Variants in CD163 observed in about 807,000 individuals in gnomAD.
CD163 encodes the protein scavenger receptor cysteine-rich type 1 protein M130.
A neutral mutation model predicts 129.2 loss-of-function variants in CD163; 64 were observed. The observed-to-expected ratio is 0.50, with a 90% CI of 0.41 to 0.61. The LOEUF (loss-of-function observed/expected upper bound fraction) is 0.61. CD163 is among the 20% of genes least tolerant of loss of function. The pLI is 0.00. For synonymous variants in CD163, 446 were observed against 478.5 expected, an observed-to-expected ratio of 0.93 and a Z score of 0.89; for missense variants, 1,061 against 1,377.9, an observed-to-expected ratio of 0.77 and a Z score of 3.64.
chr12:7,501,436 C>A lies in CD163; in HGVS notation c.160G>T (p.Val54Leu), dbSNP rs1463751458. The A allele has an allele frequency of 3.1e-6, 5 of 1,613,804 alleles. No homozygotes were observed. Among genetic ancestry groups the A allele is most frequent in the Non-Finnish European group, 4.2e-6 (5 of 1,179,944 alleles). ...CCGCTACACTTGTTTTCACCATCCA[C>A]TAGCCTCAGCTCCTTGTCTGTTCCT... The part of the protein sequence containing the change: ...LGGTDKELRL[V>L]DGENKCSGRV... Residue 54 changes from valine to leucine, a missense_variant, in exon 3 of 17, where the codon GTG (valine) becomes TTG (leucine). Transcript: ENST00000432237.
intron 16 of CD163, among the ~76,000 whole-genome samples, chr12:7,478,344 C>T (rs1949116204): frequency 6.6e-6 from 1 of 152,132 alleles, no homozygotes; most frequent in Non-Finnish European, 1.5e-5. Context: ...TGGCCTTTTT[C>T]TCTGTATTCC....
At chr12:7,477,734 G>A (rs1949106792) in intron 16 of CD163, among the ~76,000 whole-genome samples, 1 of 152,048 alleles carries the variant, frequency 6.6e-6, no homozygotes, top group African/African-American at 2.4e-5. Flanking sequence ...TTCAACACAT[G>A]TATCCCAGAA....
At chr12:7,492,784 T>G (rs557927177) in intron 6 of CD163, among the ~76,000 whole-genome samples, 1 of 152,114 alleles carries the variant, frequency 6.6e-6, no homozygotes, top group African/African-American at 2.4e-5. Flanking sequence ...AATTGAAGAA[T>G]TGAAGAAAAA....
In CD163 at chr12:7,501,463, C is replaced by T. The variant is rs1565410458; in HGVS notation, c.134-1G>A. ...AGCCTCAGCTCCTTGTCTGTTCCTCCTGCAACAATGGATTAAGACAGTAAT... is the reference window on the plus strand; with the variant it reads ...AGCCTCAGCTCCTTGTCTGTTCCTCTTGCAACAATGGATTAAGACAGTAAT... On this transcript the variant is annotated splice_acceptor_variant, in intron 2 of 16. Transcript: ENST00000432237. LOFTEE classifies it high-confidence loss of function. 1 of 1,612,008 alleles carries T rather than the reference C, an allele frequency of 6.2e-7. No individual in the cohort carries two copies. The highest frequency in any genetic ancestry group is 8.5e-7 in the Non-Finnish European group (1 of 1,178,308).
chr12:7,495,459 ATT>A, intron 5 of CD163, 58 bp from the exon 6 acceptor site: 1 of 1,484,196 alleles, frequency 6.7e-7, no homozygotes, highest in Non-Finnish European at 9.2e-7. Flanking sequence ...CTTCCAGAGG[ATT>A]TTTTTTTGTC....
At chr12:7,501,773 A>G (rs1056711863) in intron 2 of CD163, among the ~76,000 whole-genome samples, 1 of 152,228 alleles carries the variant, frequency 6.6e-6, no homozygotes, top group Non-Finnish European at 1.5e-5. Flanking sequence ...TTCGAGTTAA[A>G]TAAGATGCTA....
rs1184368911 is a variant in CD163, at chr12:7,488,038, A to C, written c.1470T>G (p.Arg490=). The C allele has an allele frequency of 2.5e-6, 4 of 1,614,000 alleles. No individual in the cohort carries two copies. Among genetic ancestry groups the C allele is most frequent in the Admixed American group, 3.3e-5 (2 of 60,016 alleles). ...LVGGDIPCSG[R]VEVKHGDTWG... The stretch of plus-strand genomic sequence containing the variant: ...ACGTGTCACCATGCTTCACTTCAAC[A>C]CGTCCAGAACAGGGAATGTCCCCTC... Residue 490 remains arginine, a synonymous_variant, in exon 7 of 17, where the codon CGT becomes CGG. Coordinates refer to ENST00000432237, the MANE Select transcript of CD163 (RefSeq NM_203416.4).
At chr12:7,471,903 G>A (rs1949010903) in intron 16 of CD163, 1 of 152,274 alleles carries the variant, frequency 6.6e-6, no homozygotes, top group African/African-American at 2.4e-5. Context: ...ATCAAGCTTG[G>A]TCGGGGGAGG....
chr12:7,481,351 G>A lies in CD163; in HGVS notation c.3248-95C>T, dbSNP rs75576161. 6.1e-4 allele frequency: 516 copies of A among 852,340 alleles called. No individual in the cohort carries two copies. The African/African-American group carries it at 7.4e-3, about 12-fold the overall frequency. 52.8% of individuals were successfully genotyped at this position (852,340 alleles called of 1,614,324 possible). A position where few individuals can be genotyped will look rare whatever the true frequency, so the allele number is the denominator to read the frequency against. On this transcript the variant is annotated intron_variant, in intron 14 of 16. Coordinates refer to ENST00000432237, the MANE Select transcript of CD163 (RefSeq NM_203416.4). ...TTTCCAAGCGCTGCAAACATACCTC[G>A]TCTTTATCCCTGCTATTGTTTCTAT...
At chr12:7,501,573 A>G in intron 2 of CD163, 111 bp from the exon 3 acceptor site, 1 of 735,756 alleles carries the variant, frequency 1.4e-6, no homozygotes, top group Non-Finnish European at 2.3e-6. Flanking sequence ...GAACCATCCT[A>G]GTCCTATCCA....
At chr12:7,479,703 A>G (rs145907606) in intron 16 of CD163, among the ~76,000 whole-genome samples, 157 bp downstream of exon 16, 1 of 152,298 alleles carries the variant, frequency 6.6e-6, no homozygotes, top group African/African-American at 2.4e-5. Flanking sequence ...AAGCTTTTAT[A>G]TATTCTCAAT....
chr12:7,487,430 C>T lies in CD163; in HGVS notation c.1979G>A (p.Gly660Glu). 1 of 1,613,798 alleles carries T rather than the reference C, an allele frequency of 6.2e-7. No individual in the cohort carries two copies. The highest frequency in any genetic ancestry group is 8.5e-7 in the Non-Finnish European group (1 of 1,179,832). ...FHCTGTEQHM[G>E]DCPVTALGAS... Reference sequence around the variant, plus strand: ...ACCTAGAGCAGTTACAGGACAATCTCCCATGTGCTGCTCAGTCCCAGTGCA... The same window carrying T: ...ACCTAGAGCAGTTACAGGACAATCTTCCATGTGCTGCTCAGTCCCAGTGCA... Residue 660 changes from glycine to glutamate, a missense_variant, in exon 8 of 17, where the codon GGA (glycine) becomes GAA (glutamate). Coordinates refer to ENST00000432237, the MANE Select transcript of CD163 (RefSeq NM_203416.4). The surrounding 1 kb of genome is among the most constrained non-coding windows in gnomAD (Gnocchi z 5.1).
intron 14 of CD163, 125 bp from the exon 15 acceptor site, chr12:7,481,381 T>C: frequency 1.5e-6 from 1 of 677,328 alleles, no homozygotes; most frequent in South Asian, 1.7e-5. Flanking sequence ...TTCTATCCCA[T>C]TCTACTACCA....
chr12:7,488,938 C>T (rs1050830468), intron 6 of CD163, among the ~76,000 whole-genome samples: 2 of 152,056 alleles, frequency 1.3e-5, no homozygotes, highest in Admixed American at 6.6e-5. Flanking sequence ...ATTAAGTGAG[C>T]GTCTATTATA....
chr12:7,497,544 T>C (rs1195975245), intron 4 of CD163, among the ~76,000 whole-genome samples: 1 of 152,240 alleles, frequency 6.6e-6, no homozygotes, highest in Non-Finnish European at 1.5e-5. Flanking sequence ...CATTCTCCAT[T>C]GATACTACCT....
In CD163 at chr12:7,485,245, G is replaced by T. The variant is rs1193658921; in HGVS notation, c.2630C>A (p.Pro877His). 16 of 1,614,064 alleles carry T rather than the reference G, an allele frequency of 9.9e-6. No individual in the cohort carries two copies. Among genetic ancestry groups the T allele is most frequent in the Non-Finnish European group, 1.4e-5 (16 of 1,180,028 alleles). Residue 877 changes from proline to histidine, a missense_variant, in exon 11 of 17, where the codon CCT becomes CAT. Transcript: ENST00000432237. The surrounding 1 kb of genome is among the most constrained non-coding windows in gnomAD (Gnocchi z 4.5). ...LGCADKGKIN[P>H]ASLDKAMSIP... is the part of the protein sequence containing the mutation. ...GGACATGGCCTTGTCTAAAGATGCAGGGTTGATTTTCCCTTTGTCTGCACA... is the reference window on the plus strand; with the variant it reads ...GGACATGGCCTTGTCTAAAGATGCATGGTTGATTTTCCCTTTGTCTGCACA...
At chr12:7,478,422 T>C (rs953839940) in intron 16 of CD163, among the ~76,000 whole-genome samples, 10 of 152,178 alleles carry the variant, frequency 6.6e-5, no homozygotes, top group Non-Finnish European at 1.5e-4. Context: ...TGATAGCTCA[T>C]TGTTAATTAT....
At position 7,499,017 on chromosome 12, in the gene CD163, C is replaced by T. The variant is rs1465175233; in HGVS notation, c.629G>A (p.Gly210Asp). The T allele has an allele frequency of 3.1e-6, 5 of 1,614,138 alleles. No homozygotes were observed. The highest frequency in any genetic ancestry group is 4.2e-6 in the Non-Finnish European group (5 of 1,180,020). Residue 210 changes from glycine to aspartate, a missense_variant, in exon 4 of 17, where the codon GGT becomes GAT. Coordinates refer to ENST00000432237, the MANE Select transcript of CD163 (RefSeq NM_203416.4). ...LECGSAVSFS[G>D]SSNFGEGSGP... ...AGAGCCTTCTCCAAAATTAGATGAACCAGAGAAACTGACAGCACTTCCACA... is the reference window on the plus strand; with the variant it reads ...AGAGCCTTCTCCAAAATTAGATGAATCAGAGAAACTGACAGCACTTCCACA...
Position 7,485,386 on chromosome 12 carries a change from G to C in CD163, c.2489C>G (p.Ala830Gly). Residue 830 changes from alanine to glycine, a missense_variant, in exon 11 of 17, where the codon GCC becomes GGC. Coordinates refer to ENST00000432237, the MANE Select transcript of CD163 (RefSeq NM_203416.4). This position sits in a 1 kb window ranked among gnomAD's most constrained non-coding sequence, Gnocchi z 4.5. The part of the protein sequence containing the change: ...EFMSLRLTSE[A>G]SREACAGRLE... Reference sequence around the variant, plus strand: ...ACGCCCTGCACAGGCCTCTCTGCTGGCTTCACTGGTCAGTCTCAGAGACAT... The same window carrying C: ...ACGCCCTGCACAGGCCTCTCTGCTGCCTTCACTGGTCAGTCTCAGAGACAT... The C allele has an allele frequency of 6.2e-7, 1 of 1,614,056 alleles. No homozygotes were observed. The highest frequency in any genetic ancestry group is 8.5e-7 in the Non-Finnish European group (1 of 1,179,958).
Sources: allele counts gnomAD v4.1 joint callset (sites outside exome capture counted in the v4.1 genomes callset), GRCh38; gene constraint gnomAD v4.1.1; non-coding constraint Gnocchi (gnomAD v3.1); transcripts MANE v1.5; gene names NCBI Gene and HGNC (gene_info 2026-07-23, HGNC 2026-07-21).